The following ZNF343 variants were observed in gnomAD, a reference collection of about 807,000 sequenced individuals.
ZNF343 encodes the protein zinc finger protein 343.
ZNF343 carries 11 observed loss-of-function variants against 13.8 expected under a neutral mutation model. The ratio of observed to expected loss-of-function variants is 0.80; its 90% CI spans 0.50 to 1.32. The LOEUF (loss-of-function observed/expected upper bound fraction) is 1.32. Among genes scored for constraint, ZNF343 ranks in the 40% most tolerant of loss-of-function variants. ZNF343 has a pLI of 0.00. For missense variants in ZNF343, 658 were observed against 714.2 expected (o/e 0.92, Z 0.90); for synonymous variants, 248 against 260.0 (o/e 0.95, Z 0.44).
intron 5 of ZNF343, chr20:2,486,495 G>T (rs2085283260): frequency 6.6e-6 from 1 of 152,160 alleles, no homozygotes; most frequent in African/African-American, 2.4e-5. Flanking sequence ...AAGGAATAAG[G>T]CCGGGTGCAG....
At chr20:2,493,611 A>AT (rs1555763613) in intron 3 of ZNF343, 34 bp from the exon 4 acceptor site, 1 of 1,111,012 alleles carries the variant, frequency 9.0e-7, no homozygotes, top group Non-Finnish European at 1.3e-6. Context: ...GAGAAACCAG[A>AT]CCCCCCCACC....
At chr20:2,509,909 A>G (rs1225731784), upstream of ZNF343, among the ~76,000 whole-genome samples, 1 of 152,148 alleles carries the variant, frequency 6.6e-6, no homozygotes, top group Non-Finnish European at 1.5e-5. Context: ...CTCCTTTGAT[A>G]TGTACCTGAT....
At chr20:2,497,903 T>C (rs1394161537) in intron 2 of ZNF343, among the ~76,000 whole-genome samples, 1 of 148,118 alleles carries the variant, frequency 6.8e-6, no homozygotes, top group Non-Finnish European at 1.5e-5. Context: ...CTCCTCCATA[T>C]GGCTCCTCCA....
chr20:2,492,585 C>T (rs6049496), intron 5 of ZNF343, 114 bp downstream of exon 5: 270,692 of 1,318,712 alleles, frequency 0.21, 28,912 homozygotes, highest in South Asian at 0.27. Flanking sequence ...GCAGGGATTA[C>T]GATTTTGTTT....
At chr20:2,490,227 T>G (rs2085344973) in intron 5 of ZNF343, among the ~76,000 whole-genome samples, 1 of 152,018 alleles carries the variant, frequency 6.6e-6, no homozygotes, top group Non-Finnish European at 1.5e-5. Flanking sequence ...TAATGTGTGA[T>G]GGGGAAACTC....
chr20:2,522,727 T>C (rs1427906276), intron 1 of ZNF343, among the ~76,000 whole-genome samples: 2 of 152,230 alleles, frequency 1.3e-5, no homozygotes, highest in Non-Finnish European at 2.9e-5. Flanking sequence ...GGCAGGTGGA[T>C]AGCTTGAGCT....
Position 2,508,080 on chromosome 20 carries a change from C to T in ZNF343, c.-237+801G>A, listed in dbSNP as rs1386594026. On this transcript the variant is annotated intron_variant, in intron 1 of 5. Transcript: ENST00000278772. This position sits in a 1 kb window ranked among gnomAD's most constrained non-coding sequence, Gnocchi z 4.5. Reference sequence around the variant, plus strand: ...CAGGGGGCACCTCCCACATGACACACCTTGAGACAACAGGTCCCAGAGAAA... The same window carrying T: ...CAGGGGGCACCTCCCACATGACACATCTTGAGACAACAGGTCCCAGAGAAA... Among the ~76,000 whole-genome samples, 6 of 152,028 alleles carry T rather than the reference C, an allele frequency of 3.9e-5. No individual in the cohort carries two copies. Among genetic ancestry groups the T allele is most frequent in the Admixed American group, 3.3e-4 (5 of 15,254 alleles).
At chr20:2,523,865 C>T (rs551291379) in intron 1 of ZNF343, among the ~76,000 whole-genome samples, 2 of 151,478 alleles carry the variant, frequency 1.3e-5, no homozygotes, top group East Asian at 2.0e-4. Context: ...TTCTTTCTTA[C>T]ACACGATCCA....
At chr20:2,522,148 G>A (rs2085785328) in intron 1 of ZNF343, among the ~76,000 whole-genome samples, 1 of 152,198 alleles carries the variant, frequency 6.6e-6, no homozygotes, top group Admixed American at 6.5e-5. Flanking sequence ...CAATAAAAGT[G>A]TGGTGTAAAA....
At chr20:2,515,996 T>C (rs1285175141) in intron 1 of ZNF343, among the ~76,000 whole-genome samples, 1 of 150,294 alleles carries the variant, frequency 6.7e-6, no homozygotes, top group African/African-American at 2.5e-5. Context: ...CAGAAAGGGG[T>C]GAATGTGAGG....
chr20:2,493,764 TCAA>T lies in ZNF343; in HGVS notation c.118+11_118+13del, dbSNP rs766820353. Reference sequence around the variant, plus strand: ...CTTCCTCTTCATCCCTCCGGCTCCCTCAACAATTCTCACCTTTCGCTTTATGAT... The same window carrying T: ...CTTCCTCTTCATCCCTCCGGCTCCCTCAATTCTCACCTTTCGCTTTATGAT... On this transcript the variant is annotated intron_variant, in intron 3 of 5. Transcript: ENST00000278772. 131 of 1,602,274 alleles carry T rather than the reference TCAA, an allele frequency of 8.2e-5. No homozygotes were observed. Among genetic ancestry groups the T allele is most frequent in the South Asian group, 5.3e-4 (48 of 90,854 alleles).
intron 5 of ZNF343, among the ~76,000 whole-genome samples, chr20:2,488,308 G>C (rs1261495575): frequency 6.6e-6 from 1 of 150,978 alleles, no homozygotes; most frequent in African/African-American, 2.4e-5. Context: ...TATGGTGTGT[G>C]GTATATGGTC....
intron 1 of ZNF343, among the ~76,000 whole-genome samples, chr20:2,521,017 C>T (rs1433630976): frequency 2.0e-5 from 3 of 152,172 alleles, no homozygotes; most frequent in African/African-American, 7.2e-5. Context: ...GTCTGTAGAA[C>T]TGAAACCAAA....
At position 2,508,480 on chromosome 20, in the gene ZNF343, C is replaced by T. The variant is rs1049036331; in HGVS notation, c.-237+401G>A. ...GACCTAGCCACGTCCCCACCCCAGC[C>T]GCGGGGATGTTGGTCCATTTGGCCC... On this transcript the variant is annotated intron_variant, in intron 1 of 5. Coordinates refer to ENST00000278772, the MANE Select transcript of ZNF343 (RefSeq NM_024325.6). This position sits in a 1 kb window ranked among gnomAD's most constrained non-coding sequence, Gnocchi z 4.5. 1.6e-4 allele frequency among the ~76,000 whole-genome samples: 25 copies of T among 152,266 alleles called. No individual in the cohort carries two copies. In the East Asian group the frequency reaches 3.1e-3, roughly 19 times the overall value.
At chr20:2,502,765 G>C (rs1456408989) in intron 1 of ZNF343, among the ~76,000 whole-genome samples, 3 of 152,190 alleles carry the variant, frequency 2.0e-5, no homozygotes, top group Non-Finnish European at 4.4e-5. Flanking sequence ...CAAATGCTGA[G>C]AGATTTGGTC....
chr20:2,503,979 T>G (rs555396873), intron 1 of ZNF343, among the ~76,000 whole-genome samples: 111 of 151,814 alleles, frequency 7.3e-4, no homozygotes, highest in Non-Finnish European at 1.4e-3. Flanking sequence ...CTGACGGAAA[T>G]AGAGACACAA....
chr20:2,498,824 C>T (rs932333723), intron 2 of ZNF343, among the ~76,000 whole-genome samples: 8 of 152,120 alleles, frequency 5.3e-5, no homozygotes, highest in African/African-American at 9.7e-5. Flanking sequence ...GGTTACACAG[C>T]TAATGTGCGG....
chr20:2,510,827 T>C (rs1455858104), upstream of ZNF343, among the ~76,000 whole-genome samples: 1 of 152,222 alleles, frequency 6.6e-6, no homozygotes, highest in Non-Finnish European at 1.5e-5. Flanking sequence ...TCTCCCTGAC[T>C]GACCAAAATC....
chr20:2,511,465 C>T (rs969223037), upstream of ZNF343, among the ~76,000 whole-genome samples: 3 of 152,128 alleles, frequency 2.0e-5, no homozygotes, highest in African/African-American at 7.2e-5. Flanking sequence ...TTCTGTGGGA[C>T]AATTGGGACA....
Sources: allele counts gnomAD v4.1 joint callset (sites outside exome capture counted in the v4.1 genomes callset), GRCh38; gene constraint gnomAD v4.1.1; non-coding constraint Gnocchi (gnomAD v3.1); transcripts MANE v1.5; gene names NCBI Gene and HGNC (gene_info 2026-07-23, HGNC 2026-07-21).